Variants in FAF2 observed in about 807,000 individuals in gnomAD.
The protein encoded by FAF2 is Fas associated factor family member 2.
Under a neutral mutation model 62.3 loss-of-function variants are expected in FAF2, and 9 were observed. The observed-to-expected ratio is 0.14, with a 90% CI of 0.09 to 0.25. FAF2 has a LOEUF of 0.25. Ranked by LOEUF, FAF2 falls within the 10% of genes least tolerant of loss-of-function variation. The pLI, the probability that FAF2 is intolerant of heterozygous loss-of-function variation, is 1.00. For missense variants in FAF2, 368 were observed against 556.2 expected (o/e 0.66, Z 3.40); for synonymous variants, 202 against 198.0 (o/e 1.02, Z -0.17).
intron 10 of FAF2, among the ~76,000 whole-genome samples, chr5:176,503,555 CAA>C (rs5873537): frequency 0.025 from 3,386 of 133,328 alleles, 102 homozygotes; most frequent in African/African-American, 0.078. Flanking sequence ...AATTCTGTCT[CAA>C]AAAAAAAAAA....
At chr5:176,479,138 G>A (rs367758532) in intron 1 of FAF2, 50 bp from the exon 2 acceptor site, 84 of 1,430,412 alleles carry the variant, frequency 5.9e-5, no homozygotes, top group Non-Finnish European at 7.9e-5. Context: ...ATACTCACAC[G>A]TATACTGTTG....
intron 2 of FAF2, among the ~76,000 whole-genome samples, chr5:176,480,707 C>G (rs1321566020): frequency 1.3e-5 from 2 of 151,332 alleles, no homozygotes; most frequent in African/African-American, 4.9e-5. Flanking sequence ...GCCACCACAT[C>G]CAGCCAAGTC....
intron 2 of FAF2, among the ~76,000 whole-genome samples, chr5:176,485,963 A>G (rs985321698): frequency 5.3e-5 from 8 of 152,320 alleles, no homozygotes; most frequent in Middle Eastern, 3.4e-3. Flanking sequence ...GATGCCACTC[A>G]TCAGGACTGC....
At chr5:176,472,223 T>G (rs1758583266) in intron 1 of FAF2, among the ~76,000 whole-genome samples, 1 of 151,768 alleles carries the variant, frequency 6.6e-6, no homozygotes, top group Admixed American at 6.6e-5. Context: ...CTCAGCTCAC[T>G]GCAACCTCCG....
rs570863134 is a variant in FAF2, at chr5:176,506,309, A to G, written c.1156-459A>G. The stretch of plus-strand genomic sequence containing the variant: ...ATGTTATAGAAATAATGTGTCAGTT[A>G]CATTTCCTGATTTTGAGAGCCAAGT... On this transcript the variant is annotated intron_variant, in intron 10 of 10. Transcript: ENST00000261942. Among the ~76,000 whole-genome samples the G allele has an allele frequency of 5.3e-5, 8 of 152,274 alleles. No individual in the cohort carries two copies. In the South Asian group the frequency reaches 1.4e-3, roughly 28 times the overall value.
chr5:176,498,820 T>TACAC (rs141712320), intron 8 of FAF2, 94 bp from the exon 9 acceptor site: 34 of 1,151,552 alleles, frequency 3.0e-5, no homozygotes, highest in Admixed American at 2.1e-4. Flanking sequence ...TCAACATTTT[T>TACAC]ACACACACAC....
intron 1 of FAF2, among the ~76,000 whole-genome samples, chr5:176,470,528 G>C (rs1489394066): frequency 6.6e-6 from 1 of 152,282 alleles, no homozygotes; most frequent in East Asian, 1.9e-4. Context: ...GGTGAGCCAA[G>C]ATCGCGCCAT....
intron 1 of FAF2, among the ~76,000 whole-genome samples, chr5:176,470,039 C>T (rs943135999): frequency 1.3e-5 from 2 of 152,110 alleles, no homozygotes; most frequent in Non-Finnish European, 2.9e-5. Context: ...AGATCAAAGG[C>T]AGAGATGAAT....
At chr5:176,471,445 C>T (rs1240263291) in intron 1 of FAF2, among the ~76,000 whole-genome samples, 4 of 140,402 alleles carry the variant, frequency 2.8e-5, no homozygotes, top group East Asian at 2.1e-4. Context: ...TGCAGTGGTA[C>T]GATCTCAGCT....
intron 2 of FAF2, among the ~76,000 whole-genome samples, chr5:176,482,856 GCGAGTTA>G: frequency 6.6e-6 from 1 of 151,776 alleles, no homozygotes; most frequent in East Asian, 1.9e-4. Context: ...CTCCCTTTCT[GCGAGTTA>G]TCTTTTTACT....
At chr5:176,486,589 G>T in intron 3 of FAF2, 100 bp downstream of exon 3, 1 of 1,262,622 alleles carries the variant, frequency 7.9e-7, no homozygotes, top group Non-Finnish European at 1.1e-6. Context: ...CAAATATTTA[G>T]AATGTAAACC....
At chr5:176,481,732 A>T (rs1758787025) in intron 2 of FAF2, among the ~76,000 whole-genome samples, 1 of 151,896 alleles carries the variant, frequency 6.6e-6, no homozygotes, top group Admixed American at 6.6e-5. Context: ...ATCATAGCTC[A>T]CTGCAGTTGA....
chr5:176,474,195 C>T (rs1030723153), intron 1 of FAF2, among the ~76,000 whole-genome samples: 4 of 152,170 alleles, frequency 2.6e-5, no homozygotes, highest in African/African-American at 9.7e-5. Flanking sequence ...CAATTCTATC[C>T]ATTACCACTC....
At chr5:176,467,316 G>C (rs1324465153) in intron 1 of FAF2, among the ~76,000 whole-genome samples, 1 of 151,908 alleles carries the variant, frequency 6.6e-6, no homozygotes, top group Non-Finnish European at 1.5e-5. Context: ...TTAGATGTCA[G>C]TAGACTTTTT....
chr5:176,481,190 G>A (rs1449132624), intron 2 of FAF2, among the ~76,000 whole-genome samples: 1 of 152,042 alleles, frequency 6.6e-6, no homozygotes, highest in Non-Finnish European at 1.5e-5. Flanking sequence ...GGGATTATAG[G>A]TGTGCACCAC....
At position 176,488,987 on chromosome 5, in the gene FAF2, C is replaced by G. The variant is rs1436420854; in HGVS notation, c.304C>G (p.Pro102Ala). The G allele has an allele frequency of 6.2e-7, 1 of 1,613,988 alleles. No homozygotes were observed. Among genetic ancestry groups the G allele is most frequent in the Admixed American group, 1.7e-5 (1 of 59,996 alleles). ...ATGGGGTTATTACTTGATAATGCTTCCATTCCGGTTTACCTATTACACGAT... is the reference window on the plus strand; with the variant it reads ...ATGGGGTTATTACTTGATAATGCTTGCATTCCGGTTTACCTATTACACGAT... ...LGWGYYLIML[P>A]FRFTYYTILD... Residue 102 changes from proline (P) to alanine (A), a missense_variant, in exon 4 of 11, where the codon CCA becomes GCA. Pro to Ala is a conservative substitution (Grantham distance 27). This residue lies in a region of FAF2 where 331 missense variants were observed against 441.9 expected (regional missense o/e 0.75). Coordinates refer to ENST00000261942, the MANE Select transcript of FAF2 (RefSeq NM_014613.3).
intron 1 of FAF2, among the ~76,000 whole-genome samples, chr5:176,459,108 A>C (rs1758330096): frequency 6.6e-6 from 1 of 152,182 alleles, no homozygotes; most frequent in Admixed American, 6.6e-5. Context: ...ATATTTGCTC[A>C]ATGACTAATT....
At chr5:176,487,435 A>G (rs1222741118) in intron 3 of FAF2, among the ~76,000 whole-genome samples, 2 of 152,024 alleles carry the variant, frequency 1.3e-5, no homozygotes, top group Non-Finnish European at 2.9e-5. Flanking sequence ...TGCCCACCTC[A>G]GCCTCCCAAA....
chr5:176,452,942 G>A (rs775578275), intron 1 of FAF2, among the ~76,000 whole-genome samples: 1 of 152,006 alleles, frequency 6.6e-6, no homozygotes, highest in Non-Finnish European at 1.5e-5. Context: ...TTCTCAATAT[G>A]TTTCTTCATT....
Sources: allele counts gnomAD v4.1 joint callset (sites outside exome capture counted in the v4.1 genomes callset), GRCh38; gene constraint gnomAD v4.1.1; regional missense constraint gnomAD v4.1.1; transcripts MANE v1.5; gene names NCBI Gene and HGNC (gene_info 2026-07-23, HGNC 2026-07-21).